Variants in RAB28 observed in about 807,000 individuals in gnomAD.
RAB28 encodes ras-related protein Rab-28.
A neutral mutation model predicts 31.7 loss-of-function variants in RAB28; 24 were observed. The ratio of observed to expected loss-of-function variants is 0.76; its 90% CI spans 0.55 to 1.06. The LOEUF is 1.06. RAB28 is among the 50% of genes least tolerant of loss of function. The pLI is 0.00. For synonymous variants in RAB28, 100 were observed against 90.4 expected (o/e 1.11, Z -0.60); for missense variants, 254 against 258.5 (o/e 0.98, Z 0.12).
intron 3 of RAB28, 142 bp downstream of exon 3, chr4:13,474,176 C>T (rs763671897): frequency 9.1e-6 from 7 of 768,992 alleles, no homozygotes; most frequent in Non-Finnish European, 1.6e-5. Flanking sequence ...AAAGAACTAG[C>T]ACAAATATAA....
chr4:13,483,164 C>A (rs1247863613), intron 1 of RAB28, among the ~76,000 whole-genome samples: 1 of 152,176 alleles, frequency 6.6e-6, no homozygotes, highest in Non-Finnish European at 1.5e-5. Context: ...CCTCTGAGAT[C>A]TTATGGACCC....
chr4:13,380,974 AAAAT>A (rs1241063441), intron 5 of RAB28, among the ~76,000 whole-genome samples: 8 of 151,988 alleles, frequency 5.3e-5, no homozygotes, highest in African/African-American at 1.7e-4. Context: ...TTAATTTTTA[AAAAT>A]AAATATAGGG....
At chr4:13,456,482 C>G (rs779857018) in intron 4 of RAB28, among the ~76,000 whole-genome samples, 3 of 152,180 alleles carry the variant, frequency 2.0e-5, no homozygotes, top group Non-Finnish European at 4.4e-5. Flanking sequence ...TTTAAATCAG[C>G]TTTATCCAAC....
chr4:13,474,508 A>G, intron 2 of RAB28, 102 bp from the exon 3 acceptor site: 7 of 641,172 alleles, frequency 1.1e-5, no homozygotes, highest in Non-Finnish European at 1.8e-5. Flanking sequence ...ACAATAAGAA[A>G]CTCTGAGCCC....
At chr4:13,399,570 TG>T (rs2108899012) in intron 4 of RAB28, among the ~76,000 whole-genome samples, 1 of 152,344 alleles carries the variant, frequency 6.6e-6, no homozygotes, top group East Asian at 1.9e-4. Flanking sequence ...TATGAGTTCC[TG>T]TAGATTGACA....
chr4:13,423,370 T>C (rs2108923673), intron 4 of RAB28, among the ~76,000 whole-genome samples: 1 of 151,436 alleles, frequency 6.6e-6, no homozygotes, highest in East Asian at 1.9e-4. Flanking sequence ...ACCCCGTCTC[T>C]ACTAAAAATA....
intron 4 of RAB28, among the ~76,000 whole-genome samples, chr4:13,409,487 G>C (rs1712298982): frequency 6.6e-6 from 1 of 152,186 alleles, no homozygotes; most frequent in South Asian, 2.1e-4. Flanking sequence ...ACCTATGAGA[G>C]AAGCTTGCAC....
intron 4 of RAB28, 60 bp downstream of exon 4, chr4:13,460,639 A>G (rs1213579008): frequency 1.8e-5 from 28 of 1,592,986 alleles, no homozygotes; most frequent in Non-Finnish European, 2.3e-5. Flanking sequence ...GGGGACACAA[A>G]CATTCTGTCC....
intron 4 of RAB28, among the ~76,000 whole-genome samples, chr4:13,395,192 A>C (rs2108894831): frequency 6.6e-6 from 1 of 152,354 alleles, no homozygotes; most frequent in East Asian, 1.9e-4. Context: ...CTACTTTAAA[A>C]ATACGCACTA....
intron 4 of RAB28, among the ~76,000 whole-genome samples, chr4:13,429,165 T>C (rs1275788201): frequency 1.3e-5 from 2 of 152,082 alleles, no homozygotes. Flanking sequence ...CAGGCTGGTC[T>C]TGAACTCCTG....
intron 4 of RAB28, among the ~76,000 whole-genome samples, chr4:13,443,635 A>G (rs898573133): frequency 6.6e-6 from 1 of 152,284 alleles, no homozygotes; most frequent in South Asian, 2.1e-4. Flanking sequence ...CAATTAAATC[A>G]ACCTAATTAA....
intron 4 of RAB28, among the ~76,000 whole-genome samples, chr4:13,383,916 C>T (rs1041318442): frequency 6.6e-6 from 1 of 152,152 alleles, no homozygotes; most frequent in South Asian, 2.1e-4. Flanking sequence ...GGTCTGCTGC[C>T]CTCTCCTGAG....
At chr4:13,461,704 C>T (rs1246995129) in intron 3 of RAB28, among the ~76,000 whole-genome samples, 1 of 152,124 alleles carries the variant, frequency 6.6e-6, no homozygotes, top group Non-Finnish European at 1.5e-5. Flanking sequence ...TATATATGCA[C>T]ACAGAAATAA....
At chr4:13,396,062 C>T (rs190340151) in intron 4 of RAB28, among the ~76,000 whole-genome samples, 5 of 151,954 alleles carry the variant, frequency 3.3e-5, no homozygotes, top group Non-Finnish European at 1.5e-5. Context: ...TCAGTCCATA[C>T]ATAATGGCAG....
intron 3 of RAB28, among the ~76,000 whole-genome samples, chr4:13,464,195 A>C (rs1715731528): frequency 6.6e-6 from 1 of 152,124 alleles, no homozygotes; most frequent in African/African-American, 2.4e-5. Context: ...CCACACTTGC[A>C]TGGATATACC....
chr4:13,440,235 T>C (rs567737009), intron 4 of RAB28, among the ~76,000 whole-genome samples: 13 of 152,254 alleles, frequency 8.5e-5, no homozygotes, highest in Admixed American at 2.6e-4. Flanking sequence ...TTATTAAGCA[T>C]GATACAAGTC....
intron 4 of RAB28, among the ~76,000 whole-genome samples, chr4:13,427,607 G>T (rs539184036): frequency 1.3e-4 from 20 of 152,310 alleles, no homozygotes; most frequent in African/African-American, 4.8e-4. Flanking sequence ...AAAAGGTCCA[G>T]AAATCTGTAT....
intron 4 of RAB28, among the ~76,000 whole-genome samples, chr4:13,386,938 T>C (rs1233426461): frequency 6.6e-6 from 1 of 152,094 alleles, no homozygotes; most frequent in Non-Finnish European, 1.5e-5. Flanking sequence ...ATCATGTCCT[T>C]TGTGGGAACA....
intron 4 of RAB28, among the ~76,000 whole-genome samples, chr4:13,386,630 T>C (rs766290978): frequency 4.6e-5 from 7 of 152,230 alleles, no homozygotes; most frequent in Middle Eastern, 3.4e-3. Context: ...CAAAAGGGAA[T>C]GCTTACATAC....
Sources: gnomAD v4.1 joint callset for allele counts (sites outside exome capture counted in the v4.1 genomes callset) on GRCh38, gnomAD v4.1.1 for gene constraint, MANE v1.5 for transcripts, NCBI Gene and HGNC (gene_info 2026-07-23, HGNC 2026-07-21) for gene names.